The following PI4KA variants were observed in gnomAD, a reference collection of about 807,000 sequenced individuals.
The protein encoded by PI4KA is phosphatidylinositol 4-kinase alpha, also known as PI4-kinase alpha.
PI4KA carries 122 observed loss-of-function variants against 271.4 expected under a neutral mutation model. That is an observed-to-expected ratio of 0.45 (90% CI 0.39 to 0.52). The LOEUF (loss-of-function observed/expected upper bound fraction) is 0.52. Ranked by LOEUF, PI4KA falls within the 20% of genes least tolerant of loss-of-function variation. The probability of loss-of-function intolerance (pLI) is 0.00; values close to 1 mark genes in which losing one functional copy is unlikely to be tolerated. For missense variants in PI4KA, 1,969 were observed against 2,769.1 expected, an observed-to-expected ratio of 0.71 and a Z score of 6.48; for synonymous variants, 1,041 against 1,078.8, an observed-to-expected ratio of 0.96 and a Z score of 0.69.
At chr22:20,753,538 G>A (rs1930947134) in intron 23 of PI4KA, among the ~76,000 whole-genome samples, 1 of 152,186 alleles carries the variant, frequency 6.6e-6, no homozygotes, top group South Asian at 2.1e-4. Flanking sequence ...TCCTCAGTCT[G>A]TCAATGTCTT....
At chr22:20,825,321 G>A (rs1156922354) in intron 3 of PI4KA, among the ~76,000 whole-genome samples, 3 of 152,120 alleles carry the variant, frequency 2.0e-5, no homozygotes, top group Admixed American at 6.6e-5. Flanking sequence ...CAGACTGGGT[G>A]CAGTGGCTCA....
intron 19 of PI4KA, among the ~76,000 whole-genome samples, chr22:20,776,369 C>T (rs1022630909): frequency 1.3e-5 from 2 of 152,022 alleles, no homozygotes; most frequent in Admixed American, 6.6e-5. Flanking sequence ...ACTGTTTTCC[C>T]GTGTGTAAAC....
At chr22:20,727,021 C>A (rs1191809454) in intron 41 of PI4KA, among the ~76,000 whole-genome samples, 1 of 152,092 alleles carries the variant, frequency 6.6e-6, no homozygotes, top group Non-Finnish European at 1.5e-5. Context: ...ACTCAAACGC[C>A]TCACTAGATT....
intron 36 of PI4KA, among the ~76,000 whole-genome samples, chr22:20,732,572 T>C (rs1485544245): frequency 2.0e-5 from 3 of 152,200 alleles, no homozygotes; most frequent in Non-Finnish European, 4.4e-5. Context: ...GCTCCCATAG[T>C]TCCCTCATAT....
chr22:20,804,236 C>T lies in PI4KA; in HGVS notation c.1461+64G>A, dbSNP rs530287016. The T allele has an allele frequency of 7.3e-6, 8 of 1,097,700 alleles. No individual in the cohort carries two copies. In the African/African-American group the frequency reaches 1.1e-4, roughly 15 times the overall value. 68.0% of individuals were successfully genotyped at this position (1,097,700 alleles called of 1,614,324 possible). A position where few individuals can be genotyped will look rare whatever the true frequency, so the allele number is the denominator to read the frequency against. ...GTGCCCACCACAGCCTGAACAGCAA[C>T]AGCGTGACAAGAGGGAGGCCCTACA... is the stretch of plus-strand genomic sequence containing the variant. On this transcript the variant is annotated intron_variant, in intron 12 of 54. Coordinates refer to ENST00000255882, the MANE Select transcript of PI4KA (RefSeq NM_058004.4).
In PI4KA at chr22:20,727,213, C is replaced by A. The variant is rs1174007471; in HGVS notation, c.4941+17G>T. 1 of 1,604,088 alleles carries A rather than the reference C, an allele frequency of 6.2e-7. No homozygotes were observed. The highest frequency in any genetic ancestry group is 1.3e-5 in the African/African-American group (1 of 74,408). Reference sequence around the variant, plus strand: ...ACAGTCCTACCAGAGGCCAGCTCAGCAGGGCCCTGGGCTCACCGGAGGGAA... The same window carrying A: ...ACAGTCCTACCAGAGGCCAGCTCAGAAGGGCCCTGGGCTCACCGGAGGGAA... On this transcript the variant is annotated intron_variant, in intron 41 of 54. Coordinates refer to ENST00000255882, the MANE Select transcript of PI4KA (RefSeq NM_058004.4).
rs184488300 is a variant in PI4KA at position 20,782,709 on chromosome 22, A to C, written c.2328+10484T>G. Among the ~76,000 whole-genome samples, 235 of 152,306 alleles carry C rather than the reference A, an allele frequency of 1.5e-3. 2 individuals are homozygous for C. Among genetic ancestry groups the C allele is most frequent in the African/African-American group, 5.2e-3 (216 of 41,564 alleles). Reference sequence around the variant, plus strand: ...TGGTTGTCACAACCTGGGGGGTTGGAGTAAGCATTACTGGTATCTAGAAGG... The same window carrying C: ...TGGTTGTCACAACCTGGGGGGTTGGCGTAAGCATTACTGGTATCTAGAAGG... On this transcript the variant is annotated intron_variant, in intron 19 of 54. Transcript: ENST00000255882.
chr22:20,773,215 G>T (rs987787809), intron 19 of PI4KA, among the ~76,000 whole-genome samples: 1 of 151,902 alleles, frequency 6.6e-6, no homozygotes. Flanking sequence ...GTGAAACCCC[G>T]TCTCTACTAA....
intron 50 of PI4KA, among the ~76,000 whole-genome samples, chr22:20,711,705 C>A (rs534604003): frequency 1.3e-5 from 2 of 152,288 alleles, no homozygotes; most frequent in South Asian, 2.1e-4. Context: ...GGAGTCCAAC[C>A]CAGCCCTACA....
Position 20,858,554 on chromosome 22 carries a change from A to C in PI4KA, c.156+16T>G. On this transcript the variant is annotated intron_variant, in intron 1 of 54. Transcript: ENST00000255882. ...CCCTCCTCCTGTCAGCCCGCGGCCC[A>C]GCCCGCCGACGTTACCTTCTCCAAG... is the stretch of plus-strand genomic sequence containing the variant. 1.5e-6 allele frequency: 2 copies of C among 1,365,456 alleles called. No individual in the cohort carries two copies. Among genetic ancestry groups the C allele is most frequent in the Non-Finnish European group, 1.9e-6 (2 of 1,052,304 alleles). 84.6% of individuals were successfully genotyped at this position (1,365,456 alleles called of 1,614,324 possible).
At chr22:20,793,401 A>C in intron 18 of PI4KA, 158 bp from the exon 19 acceptor site, 1 of 513,710 alleles carries the variant, frequency 1.9e-6, no homozygotes, top group East Asian at 2.9e-5. Flanking sequence ...ATGCTCATCC[A>C]GCATAATTTT....
Position 20,858,773 on chromosome 22 carries a change from G to C in PI4KA, c.-48C>G. 7.3e-7 allele frequency: 1 copy of C among 1,366,442 alleles called. No individual in the cohort carries two copies. Among genetic ancestry groups the C allele is most frequent in the Admixed American group, 3.0e-5 (1 of 33,242 alleles). The allele number at this position is 1,366,442 out of a possible 1,614,324, so 84.6% of individuals were successfully genotyped here. On this transcript the variant is annotated 5_prime_UTR_variant, in exon 1 of 55. Transcript: ENST00000255882. The stretch of plus-strand genomic sequence containing the variant: ...CCCGCCGGCTCCCCGCTCCTGGCCC[G>C]CGAGCGCCCGACCTCAGGGCGCAGG...
intron 19 of PI4KA, chr22:20,786,182 C>G: frequency 1.2e-6 from 2 of 1,612,200 alleles, no homozygotes; most frequent in African/African-American, 1.3e-5. Flanking sequence ...CGACCCGTCC[C>G]CAGGGTCTGC....
chr22:20,774,379 T>C (rs1427972156), intron 19 of PI4KA, among the ~76,000 whole-genome samples: 1 of 152,320 alleles, frequency 6.6e-6, no homozygotes, highest in South Asian at 2.1e-4. Flanking sequence ...ATATTGTACT[T>C]ATATTAAATT....
At chr22:20,742,996 T>C in intron 30 of PI4KA, 2 of 544,480 alleles carry the variant, frequency 3.7e-6, no homozygotes, top group Non-Finnish European at 6.6e-6. Flanking sequence ...GTGCCACCAC[T>C]GCAGATGTTC....
chr22:20,750,858 C>A (rs1601404325), intron 27 of PI4KA, among the ~76,000 whole-genome samples: 1 of 152,314 alleles, frequency 6.6e-6, no homozygotes, highest in East Asian at 1.9e-4. Flanking sequence ...GTGATTTATT[C>A]TGCCAGTTTC....
In PI4KA at chr22:20,727,980, T is replaced by C. The variant is rs889866861; in HGVS notation, c.4683-116A>G. 6.0e-6 allele frequency: 4 copies of C among 662,294 alleles called. No individual in the cohort carries two copies. In the African/African-American group the frequency reaches 7.2e-5, roughly 12 times the overall value. 41.0% of individuals were successfully genotyped at this position (662,294 alleles called of 1,614,324 possible). ...ACTGAACTGGAGGGATTCACATCAA[T>C]ACCAAGTGACGGCTTGGGTACAAAC... is the stretch of plus-strand genomic sequence containing the variant. On this transcript the variant is annotated intron_variant, in intron 39 of 54. Coordinates refer to ENST00000255882, the MANE Select transcript of PI4KA (RefSeq NM_058004.4).
chr22:20,822,842 A>G (rs1922887779), intron 4 of PI4KA, among the ~76,000 whole-genome samples: 1 of 152,240 alleles, frequency 6.6e-6, no homozygotes, highest in African/African-American at 2.4e-5. Flanking sequence ...AACCAAGTCA[A>G]ATCTCTTACA....
chr22:20,771,828 C>T (rs543152837), intron 19 of PI4KA, among the ~76,000 whole-genome samples: 28 of 152,136 alleles, frequency 1.8e-4, no homozygotes, highest in African/African-American at 5.8e-4. Context: ...GTGATCCACC[C>T]GCCTTGGCCT....
Sources: gnomAD v4.1 joint callset for allele counts (sites outside exome capture counted in the v4.1 genomes callset) on GRCh38, gnomAD v4.1.1 for gene constraint, MANE v1.5 for transcripts, NCBI Gene and HGNC (gene_info 2026-07-23, HGNC 2026-07-21) for gene names.